Variants in TRAF3IP1 observed in about 807,000 individuals in gnomAD.
TRAF3IP1 encodes the protein intraflagellar transport 54.
A neutral mutation model predicts 89.9 loss-of-function variants in TRAF3IP1; 53 were observed. The ratio of observed to expected loss-of-function variants is 0.59; its 90% confidence interval spans 0.47 to 0.74. The LOEUF is 0.74. TRAF3IP1 is among the 30% of genes least tolerant of loss of function. The pLI is 0.00. For synonymous variants in TRAF3IP1, 311 were observed against 322.1 expected (o/e 0.97, Z 0.37); for missense variants, 806 against 866.1 (o/e 0.93, Z 0.87).
intron 12 of TRAF3IP1, among the ~76,000 whole-genome samples, chr2:238,350,884 G>A (rs757566214): frequency 1.3e-5 from 2 of 152,070 alleles, no homozygotes; most frequent in Admixed American, 6.5e-5. Context: ...CAAGTGCACC[G>A]AGAGAGAAGG....
intron 15 of TRAF3IP1, among the ~76,000 whole-genome samples, chr2:238,366,927 G>C (rs1236757355): frequency 6.6e-6 from 1 of 151,996 alleles, no homozygotes; most frequent in East Asian, 1.9e-4. Context: ...CCTTTGGGAG[G>C]CCGAGGCGGG....
At chr2:238,370,217 G>A (rs915100203) in intron 15 of TRAF3IP1, among the ~76,000 whole-genome samples, 1 of 151,962 alleles carries the variant, frequency 6.6e-6, no homozygotes, top group African/African-American at 2.4e-5. Context: ...ATATGTGAAC[G>A]TGTATGTGTG....
intron 1 of TRAF3IP1, 24 bp from the exon 2 acceptor site, chr2:238,325,279 ATGG>A: frequency 6.2e-7 from 1 of 1,612,898 alleles, no homozygotes; most frequent in Non-Finnish European, 8.5e-7. Flanking sequence ...GTGAGGTGAC[ATGG>A]TGGCCTTTCT....
intron 15 of TRAF3IP1, among the ~76,000 whole-genome samples, chr2:238,375,209 T>G (rs1456311909): frequency 6.6e-6 from 1 of 152,240 alleles, no homozygotes; most frequent in Non-Finnish European, 1.5e-5. Flanking sequence ...CTCATTCTTT[T>G]AATTGTGATG....
intron 15 of TRAF3IP1, among the ~76,000 whole-genome samples, chr2:238,358,884 A>G (rs1222602484): frequency 6.6e-6 from 1 of 152,180 alleles, no homozygotes; most frequent in Non-Finnish European, 1.5e-5. Context: ...CATGCCTCCT[A>G]GCATTCAAGA....
chr2:238,363,946 C>G (rs559723103), intron 15 of TRAF3IP1, among the ~76,000 whole-genome samples: 7 of 151,836 alleles, frequency 4.6e-5, no homozygotes, highest in Admixed American at 3.3e-4. Context: ...GGCAACAGAG[C>G]GAGACTCTGT....
chr2:238,346,641 A>G (rs1698907088), intron 9 of TRAF3IP1, among the ~76,000 whole-genome samples: 3 of 152,230 alleles, frequency 2.0e-5, no homozygotes, highest in African/African-American at 7.2e-5. Flanking sequence ...ACAATAACCC[A>G]GGCTGATTTC....
In TRAF3IP1 at chr2:238,348,810, G is replaced by C. The variant is rs1699015460; in HGVS notation, c.1329G>C (p.Glu443Asp). 6.2e-7 allele frequency: 1 copy of C among 1,614,046 alleles called. No individual in the cohort carries two copies. The highest frequency in any genetic ancestry group is 1.3e-5 in the African/African-American group (1 of 74,928). Residue 443 changes from glutamate (E) to aspartate (D), a missense_variant, in exon 11 of 17, where the codon GAG becomes GAC. Around this residue, in one of 3 missense-constraint regions of TRAF3IP1, gnomAD observed 732 missense variants for 780.5 expected, o/e 0.94. Coordinates refer to ENST00000373327, the MANE Select transcript of TRAF3IP1 (RefSeq NM_015650.4). ...GCCAAGATAAGTCTGAGGTGCCAGAGACTCCAGAAATTCCTAATGAGCTTT... is the reference window on the plus strand; with the variant it reads ...GCCAAGATAAGTCTGAGGTGCCAGACACTCCAGAAATTCCTAATGAGCTTT... Reference protein sequence around the residue: ...PAGQDKSEVPETPEIPNELSS... With the variant: ...PAGQDKSEVPDTPEIPNELSS...
chr2:238,332,420 A>G (rs1017221819), intron 5 of TRAF3IP1, among the ~76,000 whole-genome samples: 2 of 152,236 alleles, frequency 1.3e-5, no homozygotes, highest in African/African-American at 4.8e-5. Flanking sequence ...TGATCAGCAG[A>G]GGCGGCTAGG....
chr2:238,362,830 G>A (rs1559378685), intron 15 of TRAF3IP1, among the ~76,000 whole-genome samples: 1 of 152,244 alleles, frequency 6.6e-6, no homozygotes, highest in Non-Finnish European at 1.5e-5. Flanking sequence ...CTGCCTCCCT[G>A]GCTAGAGGCC....
Position 238,325,350 on chromosome 2 carries a change from C to G in TRAF3IP1, c.168C>G (p.Ala56=). ...TCATGAAGGGCCTCTACACAGACGC[C>G]GAGATGAAGTCTGATAATGTGAAGG... ...TGFMKGLYTD[A]EMKSDNVKDK... is the part of the protein sequence containing the mutation. Residue 56 remains alanine, a synonymous_variant, in exon 2 of 17, where the codon GCC becomes GCG. Transcript: ENST00000373327. 6.2e-7 allele frequency: 1 copy of G among 1,614,018 alleles called. No individual in the cohort carries two copies. The highest frequency in any genetic ancestry group is 8.5e-7 in the Non-Finnish European group (1 of 1,180,032).
In TRAF3IP1 at chr2:238,351,954, C is replaced by T. The variant is rs1380113313; in HGVS notation, c.1452-873C>T. On this transcript the variant is annotated intron_variant, in intron 12 of 16. Transcript: ENST00000373327. The surrounding 1 kb of genome is among the most constrained non-coding windows in gnomAD (Gnocchi z 5.2). ...ATGCATGTGCACGCATGCAGCACTG[C>T]GATAACGGGGCAGGGGGAGTTAGGT... Among the ~76,000 whole-genome samples the T allele has an allele frequency of 2.0e-5, 3 of 151,072 alleles. No individual in the cohort carries two copies. Among genetic ancestry groups the T allele is most frequent in the Non-Finnish European group, 4.4e-5 (3 of 67,842 alleles).
At chr2:238,391,922 T>C (rs1303186313) in intron 15 of TRAF3IP1, among the ~76,000 whole-genome samples, 6 of 152,242 alleles carry the variant, frequency 3.9e-5, no homozygotes, top group Non-Finnish European at 8.8e-5. Flanking sequence ...ATTTACTAAT[T>C]TGTGTATAAT....
At chr2:238,352,683 GCTTCA>G in intron 12 of TRAF3IP1, 139 bp from the exon 13 acceptor site, 1 of 816,052 alleles carries the variant, frequency 1.2e-6, no homozygotes. Flanking sequence ...GTCCATCTTA[GCTTCA>G]GCGGGTAGCT....
At chr2:238,364,881 T>A in intron 15 of TRAF3IP1, among the ~76,000 whole-genome samples, 1 of 152,210 alleles carries the variant, frequency 6.6e-6, no homozygotes, top group Non-Finnish European at 1.5e-5. Flanking sequence ...GAATTTGACC[T>A]GCATATATGT....
chr2:238,382,580 C>G (rs1284063822), intron 15 of TRAF3IP1, among the ~76,000 whole-genome samples: 1 of 152,166 alleles, frequency 6.6e-6, no homozygotes, highest in Non-Finnish European at 1.5e-5. Context: ...ATGTGGATGT[C>G]TGCCTCCAGG....
intron 15 of TRAF3IP1, among the ~76,000 whole-genome samples, chr2:238,384,468 G>A (rs931592986): frequency 1.3e-5 from 2 of 151,660 alleles, no homozygotes; most frequent in African/African-American, 4.8e-5. Context: ...TGCCTCCTGG[G>A]TTTAAGTAAT....
At position 238,334,033 on chromosome 2, in the gene TRAF3IP1, A is replaced by T. The variant is rs779591364; in HGVS notation, c.1061A>T (p.Glu354Val). 1 of 1,608,298 alleles carries T rather than the reference A, an allele frequency of 6.2e-7. No individual in the cohort carries two copies. The highest frequency in any genetic ancestry group is 1.1e-5 in the South Asian group (1 of 90,222). ...TSKRRSKNSVEGRKEDNISAK... is the reference protein window; with the variant it reads ...TSKRRSKNSVVGRKEDNISAK... The stretch of plus-strand genomic sequence containing the variant: ...AAACGGCGATCCAAAAATTCAGTGG[A>T]AGGTACTGCAAAACTTATATATGTA... Residue 354 changes from glutamate (E) to valine (V), a missense_variant and splice_region_variant, in exon 7 of 17, where the codon GAA becomes GTA. Around this residue, in one of 3 missense-constraint regions of TRAF3IP1, gnomAD observed 732 missense variants for 780.5 expected, o/e 0.94. Coordinates refer to ENST00000373327, the MANE Select transcript of TRAF3IP1 (RefSeq NM_015650.4).
intron 5 of TRAF3IP1, among the ~76,000 whole-genome samples, chr2:238,329,937 G>T (rs966441772): frequency 6.6e-6 from 1 of 152,174 alleles, no homozygotes; most frequent in Non-Finnish European, 1.5e-5. Flanking sequence ...TCTTTTTAGG[G>T]TTTAATGATT....
Sources: allele counts gnomAD v4.1 joint callset (sites outside exome capture counted in the v4.1 genomes callset), GRCh38; gene constraint gnomAD v4.1.1; regional missense constraint gnomAD v4.1.1; non-coding constraint Gnocchi (gnomAD v3.1); transcripts MANE v1.5; gene names NCBI Gene and HGNC (gene_info 2026-07-23, HGNC 2026-07-21).